Variants in AGO3 observed in about 807,000 individuals in gnomAD.
AGO3 encodes the protein protein argonaute-3.
AGO3 carries 16 observed loss-of-function variants against 105.5 expected under a neutral mutation model. That is an observed-to-expected ratio of 0.15 (90% CI 0.10 to 0.23). AGO3 has a LOEUF of 0.23. AGO3 is among the 10% of genes least tolerant of loss of function. The probability of loss-of-function intolerance (pLI) is 1.00; values close to 1 mark genes in which losing one functional copy is unlikely to be tolerated. For missense variants in AGO3, 534 were observed against 1,088.0 expected (o/e 0.49, Z 7.16); for synonymous variants, 340 against 367.3 (o/e 0.93, Z 0.85).
rs949014394 is a variant in AGO3 at position 36,060,269 on chromosome 1, G to C, written c.*4524G>C. On this transcript the variant is annotated 3_prime_UTR_variant, in exon 19 of 19. Transcript: ENST00000373191. ...TTCTCTAATGGATTTTAGGAGGATA[G>C]GCCTTCTGACAGAGTCATGAAAGAC... 2 of 152,240 alleles carry C rather than the reference G, an allele frequency of 1.3e-5. No homozygotes were observed. Among genetic ancestry groups the C allele is most frequent in the African/African-American group, 4.8e-5 (2 of 41,454 alleles). The allele number at this position is 152,240 out of a possible 1,614,324, so 9.4% of individuals were successfully genotyped here. A position where few individuals can be genotyped will look rare whatever the true frequency, so the allele number is the denominator to read the frequency against.
chr1:36,051,341 A>T (rs1642707396), intron 17 of AGO3, among the ~76,000 whole-genome samples: 1 of 152,216 alleles, frequency 6.6e-6, no homozygotes, highest in African/African-American at 2.4e-5. Context: ...AACAAATGAA[A>T]ATAGAAATAC....
intron 3 of AGO3, among the ~76,000 whole-genome samples, chr1:35,969,211 A>G (rs1202393841): frequency 6.6e-6 from 1 of 152,098 alleles, no homozygotes; most frequent in East Asian, 1.9e-4. Context: ...TATTCTGGAT[A>G]TTAACTTCTG....
intron 13 of AGO3, among the ~76,000 whole-genome samples, chr1:36,035,023 G>T (rs758798655): frequency 6.6e-6 from 1 of 152,134 alleles, no homozygotes; most frequent in Non-Finnish European, 1.5e-5. Flanking sequence ...TTTAATAGTT[G>T]AAGCAATTAG....
At chr1:35,958,925 A>C (rs1646625520) in intron 2 of AGO3, among the ~76,000 whole-genome samples, 1 of 152,358 alleles carries the variant, frequency 6.6e-6, no homozygotes, top group Middle Eastern at 3.4e-3. Context: ...CATTTATTGT[A>C]GCCATGGATA....
At chr1:35,930,903 T>C (rs1366658454), upstream of AGO3, 1 of 256,074 alleles carries the variant, frequency 3.9e-6, no homozygotes, top group Non-Finnish European at 7.3e-6. Flanking sequence ...CCGCGTTGTC[T>C]CCGGCCGGCA....
intron 13 of AGO3, 119 bp from the exon 14 acceptor site, chr1:36,036,058 G>T: frequency 7.9e-6 from 6 of 760,168 alleles, no homozygotes; most frequent in Non-Finnish European, 1.2e-5. Context: ...AAAAAATTTG[G>T]ATTACATAGG....
At chr1:35,945,553 T>G in intron 1 of AGO3, 139 bp from the exon 2 acceptor site, 1 of 789,858 alleles carries the variant, frequency 1.3e-6, no homozygotes, top group Non-Finnish European at 2.0e-6. Flanking sequence ...GAAGTTGAAG[T>G]GTTAGAAATG....
rs1419794419 is a variant in AGO3, at chr1:36,059,041, A to C, written c.*3296A>C. On this transcript the variant is annotated 3_prime_UTR_variant, in exon 19 of 19. Transcript: ENST00000373191. ...CTTTCTCTATGTACTCTCTCACCTAATTTTCAGTCACTCATATATGCTAGA... is the reference window on the plus strand; with the variant it reads ...CTTTCTCTATGTACTCTCTCACCTACTTTTCAGTCACTCATATATGCTAGA... 2 of 152,122 alleles carry C rather than the reference A, an allele frequency of 1.3e-5. No individual in the cohort carries two copies. The highest frequency in any genetic ancestry group is 2.9e-5 in the Non-Finnish European group (2 of 68,012). 9.4% of individuals were successfully genotyped at this position (152,122 alleles called of 1,614,324 possible).
intron 1 of AGO3, among the ~76,000 whole-genome samples, chr1:35,941,078 T>G (rs2148744817): frequency 6.6e-6 from 1 of 152,248 alleles, no homozygotes; most frequent in South Asian, 2.1e-4. Context: ...ATTTAGCATA[T>G]CCTTAAAATC....
At chr1:36,020,085 T>A (rs781750529) in intron 11 of AGO3, among the ~76,000 whole-genome samples, 1 of 152,182 alleles carries the variant, frequency 6.6e-6, no homozygotes, top group Non-Finnish European at 1.5e-5. Flanking sequence ...ATATACATTT[T>A]ATCTCTTCCT....
rs184834743 is a variant in AGO3 at position 36,014,381 on chromosome 1, C to G, written c.1406+333C>G. 2.7e-3 allele frequency among the ~76,000 whole-genome samples: 415 copies of G among 151,758 alleles called. 6 individuals are homozygous for G. Among genetic ancestry groups the G allele is most frequent in the South Asian group, 0.023 (108 of 4,754 alleles). ...CCATGTTGGCCAGGCTGGTCTCAAA[C>G]TCCTGACCTCAGGTGATCTGCCCGC... On this transcript the variant is annotated intron_variant, in intron 11 of 18. Coordinates refer to ENST00000373191, the MANE Select transcript of AGO3 (RefSeq NM_024852.4).
intron 1 of AGO3, among the ~76,000 whole-genome samples, chr1:35,939,245 C>G (rs943527793): frequency 6.6e-6 from 1 of 151,520 alleles, no homozygotes; most frequent in African/African-American, 2.4e-5. Flanking sequence ...TGAAAATATC[C>G]AGAATATTTT....
In AGO3 at chr1:36,057,125, A is replaced by T. The variant is rs1642941467; in HGVS notation, c.*1380A>T. On this transcript the variant is annotated 3_prime_UTR_variant, in exon 19 of 19. Coordinates refer to ENST00000373191, the MANE Select transcript of AGO3 (RefSeq NM_024852.4). ...GTTGTAACTTTCTCTCTGGTAAGTG[A>T]TGTGTATTCTGAAGCCTTCTGTTTC... 1 of 152,196 alleles carries T rather than the reference A, an allele frequency of 6.6e-6. No individual in the cohort carries two copies. The highest frequency in any genetic ancestry group is 2.1e-4 in the South Asian group (1 of 4,832). 9.4% of individuals were successfully genotyped at this position (152,196 alleles called of 1,614,324 possible).
At chr1:35,944,544 C>CTTTTTTTT (rs761797350) in intron 1 of AGO3, among the ~76,000 whole-genome samples, 3 of 105,478 alleles carry the variant, frequency 2.8e-5, no homozygotes, top group Non-Finnish European at 5.7e-5. Flanking sequence ...ATTTTATTTA[C>CTTTTTTTT]TTTTTTTTTT....
At chr1:36,036,085 C>A in intron 13 of AGO3, 92 bp from the exon 14 acceptor site, 4 of 1,178,358 alleles carry the variant, frequency 3.4e-6, no homozygotes, top group South Asian at 1.3e-5. Flanking sequence ...TCTGTGCTGT[C>A]AATAACTTGA....
chr1:36,014,451 C>A (rs1303263044), intron 11 of AGO3, among the ~76,000 whole-genome samples: 1 of 151,542 alleles, frequency 6.6e-6, no homozygotes, highest in African/African-American at 2.4e-5. Flanking sequence ...AGCCACTGTG[C>A]CCGGCCTAGT....
chr1:35,986,935 G>T (rs1278353577), intron 5 of AGO3, among the ~76,000 whole-genome samples: 1 of 151,852 alleles, frequency 6.6e-6, no homozygotes, highest in Non-Finnish European at 1.5e-5. Flanking sequence ...GGCAGAAGTT[G>T]CAGTGAGCTG....
chr1:36,036,751 A>G (rs1304943069), intron 14 of AGO3, among the ~76,000 whole-genome samples: 1 of 152,044 alleles, frequency 6.6e-6, no homozygotes, highest in Non-Finnish European at 1.5e-5. Context: ...CTAGAGTGCA[A>G]TGACACAATC....
chr1:35,986,311 C>T (rs751256219), intron 5 of AGO3, among the ~76,000 whole-genome samples: 13 of 152,108 alleles, frequency 8.5e-5, no homozygotes, highest in African/African-American at 2.7e-4. Flanking sequence ...ATAAACAGCA[C>T]GTAAATAGTT....
Sources: gnomAD v4.1 joint callset for allele counts (sites outside exome capture counted in the v4.1 genomes callset) on GRCh38, gnomAD v4.1.1 for gene constraint, MANE v1.5 for transcripts, NCBI Gene and HGNC (gene_info 2026-07-23, HGNC 2026-07-21) for gene names.